The following SPP2 variants were observed in gnomAD, a reference collection of about 807,000 sequenced individuals.
The protein encoded by SPP2 is secreted phosphoprotein 2.
In SPP2, 34 loss-of-function variants were observed where a neutral mutation model predicts 28.8. The ratio of observed to expected loss-of-function variants is 1.18; its 90% CI spans 0.90 to 1.57. The LOEUF is 1.57. Ranked by LOEUF, SPP2 falls within the 40% of genes most tolerant of loss-of-function variation. The probability of loss-of-function intolerance (pLI) is 0.00; values close to 1 mark genes in which losing one functional copy is unlikely to be tolerated. For synonymous variants in SPP2, 96 were observed against 89.4 expected (o/e 1.07, Z -0.42); for missense variants, 269 against 263.9 (o/e 1.02, Z -0.13).
At chr2:234,056,869 A>C (rs1245035405) in intron 2 of SPP2, among the ~76,000 whole-genome samples, 1 of 152,044 alleles carries the variant, frequency 6.6e-6, no homozygotes, top group African/African-American at 2.4e-5. Context: ...TAGGAGACAT[A>C]AAGATCCCCG....
intron 4 of SPP2, among the ~76,000 whole-genome samples, chr2:234,062,652 A>C (rs897685150): frequency 2.0e-5 from 3 of 152,210 alleles, no homozygotes; most frequent in Non-Finnish European, 4.4e-5. Context: ...AATATGAAAT[A>C]AATAAGAGGT....
chr2:234,051,167 A>G, intron 2 of SPP2, 72 bp downstream of exon 2: 2 of 1,553,956 alleles, frequency 1.3e-6, no homozygotes, highest in South Asian at 1.2e-5. Flanking sequence ...CATTGGATAT[A>G]CTTTTAAGAA....
chr2:234,064,050 A>G (rs1404500260), intron 4 of SPP2, among the ~76,000 whole-genome samples: 1 of 152,134 alleles, frequency 6.6e-6, no homozygotes, highest in Non-Finnish European at 1.5e-5. Flanking sequence ...GGACAACTCG[A>G]CTTAGAGTCC....
intron 2 of SPP2, among the ~76,000 whole-genome samples, chr2:234,053,569 T>C (rs1170770747): frequency 6.6e-6 from 1 of 151,492 alleles, no homozygotes; most frequent in Non-Finnish European, 1.5e-5. Flanking sequence ...TCTTAAATGT[T>C]CTCCTGCTCA....
chr2:234,064,268 A>C, intron 4 of SPP2, among the ~76,000 whole-genome samples: 1 of 144,170 alleles, frequency 6.9e-6, no homozygotes, highest in East Asian at 2.0e-4. Context: ...TCTCTCTGTC[A>C]CTGTGCCTTC....
At chr2:234,071,141 C>A (rs574356558) in intron 7 of SPP2, among the ~76,000 whole-genome samples, 1 of 152,290 alleles carries the variant, frequency 6.6e-6, no homozygotes, top group African/African-American at 2.4e-5. Flanking sequence ...ATTCATTTCA[C>A]CCCCACATTT....
chr2:234,067,562 A>G (rs933762799), intron 6 of SPP2, among the ~76,000 whole-genome samples: 4 of 151,888 alleles, frequency 2.6e-5, no homozygotes, highest in Non-Finnish European at 5.9e-5. Context: ...CGGATCACGA[A>G]GTCAGGAGAT....
intron 2 of SPP2, among the ~76,000 whole-genome samples, chr2:234,055,626 G>T (rs924130827): frequency 4.6e-5 from 7 of 151,822 alleles, no homozygotes; most frequent in Admixed American, 2.0e-4. Context: ...ATTACAAAAA[G>T]TCAAAAAATA....
chr2:234,076,333 T>C, intron 7 of SPP2, among the ~76,000 whole-genome samples: 1 of 152,082 alleles, frequency 6.6e-6, no homozygotes, highest in East Asian at 1.9e-4. Context: ...GGATACAGTA[T>C]CCCCGCCCCA....
chr2:234,057,226 C>T (rs13395783), intron 2 of SPP2, among the ~76,000 whole-genome samples: 31,129 of 151,982 alleles, frequency 0.2, 3,765 homozygotes, highest in South Asian at 0.46. Context: ...GATAGCATCT[C>T]GCTGCAGTGA....
chr2:234,067,169 G>T, intron 5 of SPP2, 55 bp from the exon 6 acceptor site: 1 of 1,505,032 alleles, frequency 6.6e-7, no homozygotes, highest in East Asian at 2.3e-5. Flanking sequence ...TAAAGTCATA[G>T]AACATTCTGG....
intron 7 of SPP2, among the ~76,000 whole-genome samples, chr2:234,075,039 C>T (rs929104318): frequency 6.7e-6 from 1 of 148,788 alleles, no homozygotes; most frequent in Non-Finnish European, 1.5e-5. Context: ...CTAAATAGAC[C>T]GTGAAAAGGA....
At chr2:234,060,738 C>T (rs528499634) in intron 4 of SPP2, among the ~76,000 whole-genome samples, 1 of 144,738 alleles carries the variant, frequency 6.9e-6, no homozygotes, top group African/African-American at 2.8e-5. Flanking sequence ...CATATGCACA[C>T]ACACACACGC....
chr2:234,070,510 G>A (rs553999115), intron 7 of SPP2, among the ~76,000 whole-genome samples: 1 of 152,274 alleles, frequency 6.6e-6, no homozygotes, highest in African/African-American at 2.4e-5. Context: ...TGCCCATGCT[G>A]GAATGCAATG....
intron 2 of SPP2, among the ~76,000 whole-genome samples, chr2:234,058,432 G>C (rs929562060): frequency 6.6e-6 from 1 of 152,110 alleles, no homozygotes; most frequent in South Asian, 2.1e-4. Flanking sequence ...GATTTTTGTC[G>C]TTCTGCATTT....
At chr2:234,074,087 C>T (rs1690849205) in intron 7 of SPP2, among the ~76,000 whole-genome samples, 1 of 152,148 alleles carries the variant, frequency 6.6e-6, no homozygotes, top group Admixed American at 6.5e-5. Context: ...TTAGAGGCCC[C>T]TGCCCTCAGA....
intron 7 of SPP2, among the ~76,000 whole-genome samples, chr2:234,075,233 A>G (rs1398742711): frequency 3.3e-5 from 5 of 152,156 alleles, no homozygotes; most frequent in African/African-American, 4.8e-5. Context: ...AGCAGTGAGT[A>G]GGCGAATTCA....
intron 3 of SPP2, among the ~76,000 whole-genome samples, chr2:234,059,537 A>AAAAC (rs562773040): frequency 9.1e-4 from 138 of 152,252 alleles, no homozygotes; most frequent in Admixed American, 2.7e-3. Context: ...GTTTCTCGGA[A>AAAAC]AAACAAACAA....
intron 7 of SPP2, among the ~76,000 whole-genome samples, chr2:234,073,118 C>T (rs28903709): frequency 2.0e-5 from 3 of 152,142 alleles, no homozygotes; most frequent in Non-Finnish European, 4.4e-5. Context: ...AAACTCCTGA[C>T]CTCAAGTGCT....
Sources: allele counts gnomAD v4.1 joint callset (sites outside exome capture counted in the v4.1 genomes callset), GRCh38; gene constraint gnomAD v4.1.1; transcripts MANE v1.5; gene names NCBI Gene and HGNC (gene_info 2026-07-23, HGNC 2026-07-21).